The following PC variants were observed in gnomAD, a reference collection of about 807,000 sequenced individuals.
PC encodes pyruvate carboxylase, mitochondrial.
In PC, 46 loss-of-function variants were observed where a neutral mutation model predicts 107.8. The ratio of observed to expected loss-of-function variants is 0.43; its 90% CI spans 0.34 to 0.55. PC has a LOEUF of 0.55. PC is among the 20% of genes least tolerant of loss of function. PC has a pLI of 0.04. For missense variants in PC, 1,241 were observed against 1,643.1 expected, an observed-to-expected ratio of 0.76 and a Z score of 4.23; for synonymous variants, 662 against 684.7, an observed-to-expected ratio of 0.97 and a Z score of 0.52.
intron 3 of PC, among the ~76,000 whole-genome samples, chr11:66,911,606 A>C (rs1033905159): frequency 2.0e-5 from 3 of 152,058 alleles, no homozygotes; most frequent in African/African-American, 4.8e-5. Context: ...ATAATAAATA[A>C]GACACATCCC....
intron 3 of PC, among the ~76,000 whole-genome samples, chr11:66,943,589 C>CAA (rs574685934): frequency 7.1e-6 from 1 of 140,320 alleles, no homozygotes; most frequent in Non-Finnish European, 1.6e-5. Context: ...ACTAAAAATG[C>CAA]AAAAAAAAAA....
intron 3 of PC, among the ~76,000 whole-genome samples, chr11:66,884,018 G>A (rs568077210): frequency 1.3e-5 from 2 of 152,300 alleles, no homozygotes; most frequent in African/African-American, 4.8e-5. Context: ...GCTGAAGCGG[G>A]TGGATCACCT....
At chr11:66,917,538 C>A (rs1015150272) in intron 3 of PC, among the ~76,000 whole-genome samples, 1 of 152,182 alleles carries the variant, frequency 6.6e-6, no homozygotes, top group Non-Finnish European at 1.5e-5. Flanking sequence ...TAGAACTAAG[C>A]TCCAAGGAAA....
chr11:66,906,566 A>G (rs1232728447), intron 3 of PC, among the ~76,000 whole-genome samples: 1 of 152,182 alleles, frequency 6.6e-6, no homozygotes, highest in Non-Finnish European at 1.5e-5. Context: ...GTTTGGGACT[A>G]AGCAGAGGGA....
rs938100962 is a variant in PC, at chr11:66,880,172, C to T, written c.1-8013G>A. Among the ~76,000 whole-genome samples the T allele has an allele frequency of 3.9e-5, 6 of 152,236 alleles. No homozygotes were observed. The South Asian group carries it at 6.2e-4, about 16-fold the overall frequency. On this transcript the variant is annotated intron_variant, in intron 3 of 22. Coordinates refer to ENST00000393960, the MANE Select transcript of PC (RefSeq NM_001040716.2). ...ATCGAATGGCACTGCCTTCCCAGATCTGAAACCCAGGCCTTTCCAGAATCA... is the reference window on the plus strand; with the variant it reads ...ATCGAATGGCACTGCCTTCCCAGATTTGAAACCCAGGCCTTTCCAGAATCA...
intron 3 of PC, among the ~76,000 whole-genome samples, chr11:66,906,580 A>G (rs1262199707): frequency 6.6e-6 from 1 of 152,204 alleles, no homozygotes; most frequent in East Asian, 1.9e-4. Flanking sequence ...AGAGGGAAAT[A>G]GAGCTGAAGC....
intron 3 of PC, among the ~76,000 whole-genome samples, chr11:66,897,529 G>A (rs1387214055): frequency 1.3e-5 from 2 of 152,174 alleles, no homozygotes; most frequent in Non-Finnish European, 2.9e-5. Context: ...CAGAGATTAT[G>A]CCACTGCACT....
rs145144780 is a variant in PC at position 66,855,648 on chromosome 11, C to T, written c.1369-2265G>A. Among the ~76,000 whole-genome samples, 867 of 152,314 alleles carry T rather than the reference C, an allele frequency of 5.7e-3. 3 individuals are homozygous for T. Among genetic ancestry groups the T allele is most frequent in the Non-Finnish European group, 9.0e-3 (612 of 68,032 alleles). On this transcript the variant is annotated intron_variant, in intron 12 of 22. Transcript: ENST00000393960. ...AGGAACAAAGACATAGCTGGTGCCA[C>T]TGCACATCAGAGTTGACCTGCACCA...
At position 66,852,625 on chromosome 11, in the gene PC, G is replaced by T; in HGVS notation, c.1639C>A (p.Arg547=). Residue 547 remains arginine, a synonymous_variant, in exon 15 of 23, where the codon CGA becomes AGA. Coordinates refer to ENST00000393960, the MANE Select transcript of PC (RefSeq NM_001040716.2). The surrounding 1 kb of genome is among the most constrained non-coding windows in gnomAD (Gnocchi z 4.7). ...CGAGCAAAGCCCTCAGGCCCCTCTC[G>T]CAGCAGGATGTCTCTGAAACCAGCC... ...PPAGFRDILL[R]EGPEGFARAV... 6.2e-7 allele frequency: 1 copy of T among 1,613,830 alleles called. No homozygotes were observed. Among genetic ancestry groups the T allele is most frequent in the Non-Finnish European group, 8.5e-7 (1 of 1,179,852 alleles).
intron 3 of PC, among the ~76,000 whole-genome samples, chr11:66,943,511 C>A (rs138216216): frequency 6.6e-6 from 1 of 151,052 alleles, no homozygotes; most frequent in African/African-American, 2.4e-5. Context: ...GGCCGAGGCC[C>A]GGATCATGAG....
At position 66,896,509 on chromosome 11, in the gene PC, GA is replaced by G. The variant is rs556990817; in HGVS notation, c.1-24351del. 3.9e-3 allele frequency among the ~76,000 whole-genome samples: 599 copies of G among 152,372 alleles called. 5 individuals are homozygous for G. The highest frequency in any genetic ancestry group is 0.013 in the African/African-American group (539 of 41,588). ...CCCAAACAAGGGAGCAAGCAAACGA[GA>G]AAGAGGAGCGGGGAACAAAGGAGAA... On this transcript the variant is annotated intron_variant, in intron 3 of 22. Coordinates refer to ENST00000393960, the MANE Select transcript of PC (RefSeq NM_001040716.2).
At chr11:66,923,911 GA>G (rs1201176206) in intron 3 of PC, among the ~76,000 whole-genome samples, 1 of 141,054 alleles carries the variant, frequency 7.1e-6, no homozygotes, top group Non-Finnish European at 1.6e-5. Context: ...AAGAGAAAAA[GA>G]AAAAAAGTGG....
At chr11:66,890,885 T>A (rs990569733) in intron 3 of PC, among the ~76,000 whole-genome samples, 2 of 152,062 alleles carry the variant, frequency 1.3e-5, no homozygotes, top group Non-Finnish European at 2.9e-5. Context: ...GGGCGACAGG[T>A]ACATAGAGTT....
rs1323705244 is a variant in PC at position 66,866,862 on chromosome 11, C to G, written c.1023-513G>C. On this transcript the variant is annotated intron_variant, in intron 10 of 22. Coordinates refer to ENST00000393960, the MANE Select transcript of PC (RefSeq NM_001040716.2). The surrounding 1 kb of genome is among the most constrained non-coding windows in gnomAD (Gnocchi z 5.4). Reference sequence around the variant, plus strand: ...GGGAACAGGTGCTGTGAAGGCTGGGCTCCTCGAAATGGTAACCACAGCTGT... The same window carrying G: ...GGGAACAGGTGCTGTGAAGGCTGGGGTCCTCGAAATGGTAACCACAGCTGT... Among the ~76,000 whole-genome samples the G allele has an allele frequency of 6.6e-6, 1 of 152,164 alleles. No individual in the cohort carries two copies. The highest frequency in any genetic ancestry group is 1.5e-5 in the Non-Finnish European group (1 of 68,030).
chr11:66,876,438 C>A (rs1309000398), intron 3 of PC, among the ~76,000 whole-genome samples: 1 of 152,224 alleles, frequency 6.6e-6, no homozygotes, highest in African/African-American at 2.4e-5. Flanking sequence ...AGTCTGAAAT[C>A]ATTTCAAATT....
chr11:66,901,541 C>T (rs1265534490), intron 3 of PC, among the ~76,000 whole-genome samples: 2 of 152,188 alleles, frequency 1.3e-5, no homozygotes, highest in Admixed American at 1.3e-4. Context: ...GCGATCTTGG[C>T]TCACTGCAAC....
At chr11:66,953,235 C>G (rs115711105) in intron 2 of PC, among the ~76,000 whole-genome samples, 2 of 152,224 alleles carry the variant, frequency 1.3e-5, no homozygotes, top group African/African-American at 4.8e-5. Flanking sequence ...GCCTCAGGCC[C>G]GCTTTCTCTG....
At chr11:66,885,767 C>T (rs572898138) in intron 3 of PC, among the ~76,000 whole-genome samples, 2 of 152,282 alleles carry the variant, frequency 1.3e-5, no homozygotes, top group East Asian at 1.9e-4. Context: ...CGAGAGAGCA[C>T]GGCCCTGCTC....
intron 3 of PC, among the ~76,000 whole-genome samples, chr11:66,932,165 A>C (rs1948874333): frequency 6.6e-6 from 1 of 152,174 alleles, no homozygotes; most frequent in Non-Finnish European, 1.5e-5. Context: ...GAGAGGAAAA[A>C]GGAGACTCAT....
Sources: gnomAD v4.1 joint callset for allele counts (sites outside exome capture counted in the v4.1 genomes callset) on GRCh38, gnomAD v4.1.1 for gene constraint, Gnocchi (gnomAD v3.1) non-coding constraint, MANE v1.5 for transcripts, NCBI Gene and HGNC (gene_info 2026-07-23, HGNC 2026-07-21) for gene names.